Variants in ADRA1B observed in about 807,000 individuals in gnomAD.
ADRA1B encodes the protein adrenoceptor alpha 1B.
In ADRA1B, 17 loss-of-function variants were observed where a neutral mutation model predicts 17.9. The ratio of observed to expected loss-of-function variants is 0.95; its 90% CI spans 0.65 to 1.42. The LOEUF is 1.42. Ranked by LOEUF, ADRA1B falls within the 40% of genes most tolerant of loss-of-function variation. ADRA1B has a pLI of 0.00. For missense variants in ADRA1B, 681 were observed against 722.1 expected, an observed-to-expected ratio of 0.94 and a Z score of 0.65; for synonymous variants, 366 against 327.6, an observed-to-expected ratio of 1.12 and a Z score of -1.27.
At chr5:159,964,666 T>C (rs1173882071) in intron 1 of ADRA1B, among the ~76,000 whole-genome samples, 2 of 152,120 alleles carry the variant, frequency 1.3e-5, no homozygotes, top group Admixed American at 6.5e-5. Flanking sequence ...ACCAAGAAAA[T>C]ATAGGAATGT....
At chr5:159,970,653 T>C (rs923511531) in intron 1 of ADRA1B, among the ~76,000 whole-genome samples, 1 of 152,016 alleles carries the variant, frequency 6.6e-6, no homozygotes, top group Non-Finnish European at 1.5e-5. Flanking sequence ...GCTAGCAGAG[T>C]CATCTCCAGG....
Position 159,917,229 on chromosome 5 carries a change from C to A in ADRA1B, c.324C>A (p.Leu108=), listed in dbSNP as rs200893095. Residue 108 remains leucine, a synonymous_variant, in exon 1 of 2, where the codon CTC becomes CTA. Coordinates refer to ENST00000306675, the MANE Select transcript of ADRA1B (RefSeq NM_000679.4). ...CCTTCTCAGCGGCCCTAGAGGTGCT[C>A]GGCTACTGGGTGCTGGGGCGGATCT... is the stretch of plus-strand genomic sequence containing the variant. The part of the protein sequence containing the change: ...VLPFSAALEV[L]GYWVLGRIFC... 1.2e-6 allele frequency: 2 copies of A among 1,614,016 alleles called. No individual in the cohort carries two copies. The highest frequency in any genetic ancestry group is 2.7e-5 in the African/African-American group (2 of 74,918).
intron 1 of ADRA1B, among the ~76,000 whole-genome samples, chr5:159,967,152 T>A (rs541770369): frequency 2.6e-5 from 4 of 152,318 alleles, no homozygotes; most frequent in Middle Eastern, 3.4e-3. Context: ...ACGTATTTTT[T>A]AAATTCAGCA....
At chr5:159,936,820 G>A (rs1449404757) in intron 1 of ADRA1B, among the ~76,000 whole-genome samples, 3 of 152,162 alleles carry the variant, frequency 2.0e-5, no homozygotes, top group African/African-American at 7.2e-5. Flanking sequence ...TGGGAAAGAG[G>A]AAAACAGCCA....
downstream of ADRA1B, among the ~76,000 whole-genome samples, chr5:159,977,025 A>G (rs932898878): frequency 6.6e-6 from 1 of 152,234 alleles, no homozygotes; most frequent in Non-Finnish European, 1.5e-5. Context: ...GGCACAGAGT[A>G]GACACTATTT....
At chr5:159,949,860 G>T (rs1172415210) in intron 1 of ADRA1B, among the ~76,000 whole-genome samples, 1 of 152,192 alleles carries the variant, frequency 6.6e-6, no homozygotes, top group East Asian at 1.9e-4. Flanking sequence ...TTCACACGCT[G>T]GCGTTTTTCA....
At chr5:159,925,805 G>A (rs542142672) in intron 1 of ADRA1B, among the ~76,000 whole-genome samples, 5 of 152,226 alleles carry the variant, frequency 3.3e-5, no homozygotes, top group South Asian at 4.2e-4. Flanking sequence ...ACCTGCATAC[G>A]GAGAAATAGG....
chr5:159,918,119 C>G (rs1397362076), intron 1 of ADRA1B, among the ~76,000 whole-genome samples: 1 of 152,136 alleles, frequency 6.6e-6, no homozygotes, highest in Non-Finnish European at 1.5e-5. Context: ...ATGACTCACT[C>G]AACAGCCTCG....
chr5:159,891,338 T>C (rs1401858573), intron 1 of ADRA1B, among the ~76,000 whole-genome samples: 1 of 152,172 alleles, frequency 6.6e-6, no homozygotes, highest in Non-Finnish European at 1.5e-5. Context: ...AGTACAAACA[T>C]GGCTTGAAAA....
At chr5:159,953,495 G>A (rs1755488747) in intron 1 of ADRA1B, among the ~76,000 whole-genome samples, 1 of 152,198 alleles carries the variant, frequency 6.6e-6, no homozygotes, top group Admixed American at 6.5e-5. Flanking sequence ...CCCACACTGA[G>A]TGTTCCAAGG....
chr5:159,881,105 C>T (rs34189694), intron 1 of ADRA1B, among the ~76,000 whole-genome samples: 9,351 of 139,978 alleles, frequency 0.067, 341 homozygotes, highest in Middle Eastern at 0.14. Flanking sequence ...ACCCAGGAAG[C>T]GGAGCTTGCA....
In ADRA1B at chr5:159,917,480, A is replaced by T. The variant is rs1754354319; in HGVS notation, c.575A>T (p.Asp192Val). ...LGWKEPAPND[D>V]KECGVTEEPF... ...TGGAAGGAGCCGGCACCCAACGATG[A>T]CAAGGAGTGCGGGGTCACCGAAGAA... The change falls in exon 1 of 2, where the codon GAC becomes GTC. Residue 192 changes from aspartate (D) to valine (V), a missense_variant. Around this residue, in one of 3 missense-constraint regions of ADRA1B, gnomAD observed 424 missense variants for 480.2 expected, o/e 0.88. Coordinates refer to ENST00000306675, the MANE Select transcript of ADRA1B (RefSeq NM_000679.4). 1 of 1,614,026 alleles carries T rather than the reference A, an allele frequency of 6.2e-7. No individual in the cohort carries two copies. Among genetic ancestry groups the T allele is most frequent in the African/African-American group, 1.3e-5 (1 of 74,910 alleles).
intron 1 of ADRA1B, among the ~76,000 whole-genome samples, chr5:159,883,853 C>T (rs1753893304): frequency 6.6e-6 from 1 of 152,166 alleles, no homozygotes; most frequent in South Asian, 2.1e-4. Flanking sequence ...CTGCCACTTG[C>T]CTGGGAGTTT....
rs757135242 is a variant in ADRA1B, at chr5:159,929,747, GA to G, written c.949+11903del. 1.0e-3 allele frequency among the ~76,000 whole-genome samples: 155 copies of G among 148,062 alleles called. 1 individual carries two copies. The highest frequency in any genetic ancestry group is 3.2e-3 in the African/African-American group (131 of 40,448). On this transcript the variant is annotated intron_variant, in intron 1 of 1. Transcript: ENST00000306675. ...GATGCATAGATTCTTATTTGAATCA[GA>G]AAAAAAAAATGAAAAAATTATTCTG...
Position 159,946,071 on chromosome 5 carries a change from T to C in ADRA1B, c.950-25808T>C, listed in dbSNP as rs552628576. Among the ~76,000 whole-genome samples the C allele has an allele frequency of 7.2e-5, 11 of 152,270 alleles. 1 individual carries two copies. The highest frequency in any genetic ancestry group is 2.0e-4 in the Admixed American group (3 of 15,302). On this transcript the variant is annotated intron_variant, in intron 1 of 1. Transcript: ENST00000306675. ...CCGATTTCTGTTTTTAAAGACTTCA[T>C]TGGGTAAGTGGAGGATGGATTGTAG...
chr5:159,947,090 C>G (rs935785413), intron 1 of ADRA1B, among the ~76,000 whole-genome samples: 5 of 152,092 alleles, frequency 3.3e-5, no homozygotes, highest in African/African-American at 1.2e-4. Flanking sequence ...TCTGTAATCC[C>G]AGCACTTTGG....
chr5:159,902,403 C>T (rs1754111564), intron 1 of ADRA1B, among the ~76,000 whole-genome samples: 1 of 150,926 alleles, frequency 6.6e-6, no homozygotes, highest in African/African-American at 2.4e-5. Context: ...ATCTGCTGTA[C>T]AAAGAAGTCC....
chr5:159,966,503 T>C (rs1412341957), intron 1 of ADRA1B, among the ~76,000 whole-genome samples: 2 of 152,142 alleles, frequency 1.3e-5, no homozygotes, highest in Non-Finnish European at 2.9e-5. Context: ...AAAAGGGGAC[T>C]CCCTGTCAGA....
In ADRA1B at chr5:159,917,832, C is replaced by G. The variant is rs1331052549; in HGVS notation, c.927C>G (p.Pro309=). ...GTATGTTCATCTTGTGCTGGCTACCCTTCTTCATCGCTCTACCGCTTGGTA... is the reference window on the plus strand; with the variant it reads ...GTATGTTCATCTTGTGCTGGCTACCGTTCTTCATCGCTCTACCGCTTGGTA... The part of the protein sequence containing the change: ...VVGMFILCWL[P]FFIALPLGSL... Residue 309 remains proline (P), a synonymous_variant, in exon 1 of 2, where the codon CCC becomes CCG. Coordinates refer to ENST00000306675, the MANE Select transcript of ADRA1B (RefSeq NM_000679.4). 1 of 1,609,662 alleles carries G rather than the reference C, an allele frequency of 6.2e-7. No homozygotes were observed. The highest frequency in any genetic ancestry group is 1.7e-5 in the Admixed American group (1 of 59,662).
Sources: gnomAD v4.1 joint callset for allele counts (sites outside exome capture counted in the v4.1 genomes callset) on GRCh38, gnomAD v4.1.1 for gene constraint, gnomAD v4.1.1 regional missense constraint, MANE v1.5 for transcripts, NCBI Gene and HGNC (gene_info 2026-07-23, HGNC 2026-07-21) for gene names.